The following CDH12 variants were observed in gnomAD, a reference collection of about 807,000 sequenced individuals.
The protein encoded by CDH12 is cadherin-12.
CDH12 carries 41 observed loss-of-function variants against 74.1 expected under a neutral mutation model. The observed-to-expected ratio is 0.55, with a 90% CI of 0.43 to 0.72. The LOEUF (loss-of-function observed/expected upper bound fraction) is 0.72. Ranked by LOEUF, CDH12 falls within the 30% of genes least tolerant of loss-of-function variation. CDH12 has a pLI of 0.00. For missense variants in CDH12, 945 were observed against 977.2 expected (o/e 0.97, Z 0.44); for synonymous variants, 399 against 355.0 (o/e 1.12, Z -1.39).
intron 6 of CDH12, among the ~76,000 whole-genome samples, chr5:21,872,615 G>A (rs1333097352): frequency 2.6e-5 from 4 of 152,090 alleles, no homozygotes; most frequent in African/African-American, 7.2e-5. Flanking sequence ...TATTTTTTCT[G>A]TGTAGCATCA....
intron 8 of CDH12, among the ~76,000 whole-genome samples, chr5:21,826,497 A>C (rs1279758737): frequency 6.6e-6 from 1 of 152,028 alleles, no homozygotes; most frequent in South Asian, 2.1e-4. Context: ...ACAGACTCAT[A>C]CTTCTTTTCT....
At chr5:22,147,775 C>T (rs1747300142) in intron 4 of CDH12, among the ~76,000 whole-genome samples, 1 of 152,036 alleles carries the variant, frequency 6.6e-6, no homozygotes, top group South Asian at 2.1e-4. Flanking sequence ...ACCACAAGAA[C>T]AGTATGGGGA....
intron 9 of CDH12, among the ~76,000 whole-genome samples, chr5:21,812,276 A>G (rs535945076): frequency 2.0e-5 from 3 of 152,230 alleles, no homozygotes; most frequent in Middle Eastern, 3.4e-3. Flanking sequence ...TGTAGAATAT[A>G]TATTTGGGAC....
intron 1 of CDH12, among the ~76,000 whole-genome samples, chr5:22,667,952 A>G (rs1740703955): frequency 6.7e-6 from 1 of 149,114 alleles, no homozygotes; most frequent in African/African-American, 2.5e-5. Context: ...TCTTTGTATT[A>G]TAAGGAGGGA....
chr5:21,752,186 G>C lies in CDH12; in HGVS notation c.1936C>G (p.Leu646Val), dbSNP rs778299033. 2 of 1,613,876 alleles carry C rather than the reference G, an allele frequency of 1.2e-6. No homozygotes were observed. The highest frequency in any genetic ancestry group is 2.2e-5 in the East Asian group (1 of 44,872). Reference protein sequence around the residue: ...ALRRQKKKDTLMTSKEDIRDN... With the variant: ...ALRRQKKKDTVMTSKEDIRDN... ...CTGATGTCTTCTTTAGAGGTCATCA[G>C]GGTGTCTTTTTTCTTCTGCCTTCGC... Residue 646 changes from leucine (L) to valine (V), a missense_variant, in exon 15 of 15, where the codon CTG becomes GTG. By Grantham distance (32) the Leu-to-Val change is conservative. This residue lies in a region of CDH12 where 791 missense variants were observed against 792.8 expected (regional missense o/e 1.00). Transcript: ENST00000382254.
intron 3 of CDH12, among the ~76,000 whole-genome samples, chr5:22,390,786 G>A (rs1290135378): frequency 6.6e-6 from 1 of 152,124 alleles, no homozygotes; most frequent in African/African-American, 2.4e-5. Context: ...CATCACATGA[G>A]ACTCTATATA....
intron 6 of CDH12, among the ~76,000 whole-genome samples, chr5:21,880,932 C>T (rs1201330647): frequency 6.6e-6 from 1 of 151,784 alleles, no homozygotes; most frequent in Non-Finnish European, 1.5e-5. Flanking sequence ...AGTACAGAAA[C>T]ATAGGAAACT....
chr5:22,435,490 GTA>G lies in CDH12; in HGVS notation c.-427-30141_-427-30140del, dbSNP rs1310631533. Reference sequence around the variant, plus strand: ...TGTACACACACATATATATGTATGTGTATATATATGTGTGTGTGTGTGTGTGT... The same window carrying G: ...TGTACACACACATATATATGTATGTGTATATATGTGTGTGTGTGTGTGTGT... On this transcript the variant is annotated intron_variant, in intron 2 of 14. Coordinates refer to ENST00000382254, the MANE Select transcript of CDH12 (RefSeq NM_004061.5). Among the ~76,000 whole-genome samples the G allele has an allele frequency of 9.7e-4, 87 of 89,616 alleles. No homozygotes were observed. In the South Asian group the frequency reaches 0.02, roughly 20 times the overall value. The allele number at this position is 89,616 out of a possible 152,430, so 58.8% of individuals were successfully genotyped here.
chr5:22,619,298 A>T (rs1009525365), intron 1 of CDH12, among the ~76,000 whole-genome samples: 1 of 152,068 alleles, frequency 6.6e-6, no homozygotes. Context: ...AAGAGGCACA[A>T]TCCTGTGAGA....
intron 1 of CDH12, among the ~76,000 whole-genome samples, chr5:22,569,358 C>G (rs1166942329): frequency 6.6e-6 from 1 of 152,162 alleles, no homozygotes. Context: ...CACCATGTGA[C>G]ATGCTTGCTC....
At chr5:22,753,410 C>T (rs1210619351) in intron 1 of CDH12, among the ~76,000 whole-genome samples, 1 of 148,764 alleles carries the variant, frequency 6.7e-6, no homozygotes, top group Non-Finnish European at 1.5e-5. Flanking sequence ...GCACTTTAGC[C>T]TGGGAGACAG....
At chr5:22,403,774 G>A (rs367596511) in intron 3 of CDH12, among the ~76,000 whole-genome samples, 6 of 152,238 alleles carry the variant, frequency 3.9e-5, no homozygotes, top group East Asian at 3.9e-4. Context: ...TGAGAAATGT[G>A]TTGCAGTAGT....
In CDH12 at chr5:22,325,803, G is replaced by T. The variant is rs371944566; in HGVS notation, c.-333+79454C>A. 1.1e-4 allele frequency among the ~76,000 whole-genome samples: 16 copies of T among 152,236 alleles called. No individual in the cohort carries two copies. In the East Asian group the frequency reaches 2.9e-3, roughly 28 times the overall value. ...GTCATCTGTAGTCCCAGCTGCTCGG[G>T]AGGCTGAGGCGGGAGAATGGTGTGA... On this transcript the variant is annotated intron_variant, in intron 3 of 14. Transcript: ENST00000382254.
intron 4 of CDH12, among the ~76,000 whole-genome samples, chr5:22,161,285 A>T (rs1748329551): frequency 6.6e-6 from 1 of 152,222 alleles, no homozygotes; most frequent in African/African-American, 2.4e-5. Flanking sequence ...AAAATTAAAG[A>T]TAAAATTTTT....
chr5:22,446,244 C>T (rs995179), intron 2 of CDH12, among the ~76,000 whole-genome samples: 22,407 of 152,046 alleles, frequency 0.15, 1,742 homozygotes, highest in Middle Eastern at 0.22. Context: ...TTTGATTCGA[C>T]GGTCATCTGC....
At chr5:22,457,407 C>T (rs940080423) in intron 2 of CDH12, among the ~76,000 whole-genome samples, 2 of 119,622 alleles carry the variant, frequency 1.7e-5, no homozygotes, top group African/African-American at 3.0e-5. Flanking sequence ...CTTCCTCTTC[C>T]TCTTCCTCTT....
chr5:22,002,221 A>G (rs1736648136), intron 5 of CDH12, among the ~76,000 whole-genome samples: 1 of 152,194 alleles, frequency 6.6e-6, no homozygotes, highest in Non-Finnish European at 1.5e-5. Flanking sequence ...TTTAAATGAC[A>G]AATGAATACT....
At chr5:22,694,044 A>G (rs1742223699) in intron 1 of CDH12, among the ~76,000 whole-genome samples, 1 of 152,158 alleles carries the variant, frequency 6.6e-6, no homozygotes, top group African/African-American at 2.4e-5. Context: ...GGCTCAAGCT[A>G]TCTTCCTGTC....
intron 5 of CDH12, among the ~76,000 whole-genome samples, chr5:22,004,883 A>T (rs1157115957): frequency 6.6e-6 from 1 of 152,130 alleles, no homozygotes; most frequent in African/African-American, 2.4e-5. Flanking sequence ...GCTTCCACTT[A>T]TAAGTGAGAA....
Sources: allele counts gnomAD v4.1 joint callset (sites outside exome capture counted in the v4.1 genomes callset), GRCh38; gene constraint gnomAD v4.1.1; regional missense constraint gnomAD v4.1.1; transcripts MANE v1.5; gene names NCBI Gene and HGNC (gene_info 2026-07-23, HGNC 2026-07-21).